Variants in PJA1 observed in about 807,000 individuals in gnomAD.
The protein encoded by PJA1 is E3 ubiquitin-protein ligase Praja-1.
Under a neutral mutation model 14.1 loss-of-function variants are expected in PJA1, and 5 were observed. The ratio of observed to expected loss-of-function variants is 0.35; its 90% CI spans 0.18 to 0.74. The LOEUF is 0.74. Ranked by LOEUF, PJA1 falls within the 30% of genes least tolerant of loss-of-function variation. The pLI is 0.56. For synonymous variants in PJA1, 174 were observed against 190.9 expected, an observed-to-expected ratio of 0.91 and a Z score of 0.73; for missense variants, 394 against 482.6, an observed-to-expected ratio of 0.82 and a Z score of 1.72.
chrX:69,164,741 C>A (rs761700783), intron 1 of PJA1, among the ~76,000 whole-genome samples: 1 of 1,556 alleles, frequency 6.4e-4, no homozygotes, highest in Non-Finnish European at 1.2e-3. Flanking sequence ...TCGCGACACA[C>A]GGGGGGTGGG....
At chrX:69,164,510 C>T (rs1217366044) in intron 1 of PJA1, among the ~76,000 whole-genome samples, 6 of 107,771 alleles carry the variant, frequency 5.6e-5, no homozygotes, top group East Asian at 5.9e-4. Context: ...CGCGAGAGCA[C>T]GCAGAGGCCG....
Position 69,162,257 on chromosome X carries a change from C to G in PJA1, c.817G>C (p.Ala273Pro). 1 of 1,210,990 alleles carries G rather than the reference C, an allele frequency of 8.3e-7. No homozygotes were observed. Among genetic ancestry groups the G allele is most frequent in the South Asian group, 1.8e-5 (1 of 56,815 alleles). Residue 273 changes from alanine to proline, a missense_variant, in exon 2 of 2, where the codon GCG becomes CCG. By Grantham distance (27) the Ala-to-Pro change is conservative. Transcript: ENST00000374571. ...EPKYPEDKRE[A>P]RSDQVKPEKV... Reference sequence around the variant, plus strand: ...TCTGGTTTCACTTGGTCACTCCTCGCTTCCCGTTTGTCTTCAGGGTACTTT... The same window carrying G: ...TCTGGTTTCACTTGGTCACTCCTCGGTTCCCGTTTGTCTTCAGGGTACTTT...
Position 69,162,852 on chromosome X carries a change from C to A in PJA1, c.222G>T (p.Glu74Asp). 1 of 1,211,668 alleles carries A rather than the reference C, an allele frequency of 8.3e-7. No individual in the cohort carries two copies. Among genetic ancestry groups the A allele is most frequent in the Non-Finnish European group, 1.1e-6 (1 of 895,557 alleles). ...GCGGTCGCTCAACAGGCCCAGCCCC[C>A]TCCTCCTCACTATCATCTGCCCCAT... ...DSYGADDSEEEGAGPVERPPV... is the reference protein window; with the variant it reads ...DSYGADDSEEDGAGPVERPPV... Residue 74 changes from glutamate to aspartate, a missense_variant, in exon 2 of 2, where the codon GAG becomes GAT. Glu to Asp is a conservative substitution (Grantham distance 45). This residue lies in a region of PJA1 where 378 missense variants were observed against 439.3 expected (regional missense o/e 0.86). Transcript: ENST00000374571.
rs780622380 is a variant in PJA1, at chrX:69,161,905, C to T, written c.1169G>A (p.Arg390Gln). The change falls in exon 2 of 2, where the codon CGA (arginine) becomes CAA (glutamine). Residue 390 changes from arginine to glutamine, a missense_variant. Arg to Gln is a conservative substitution (Grantham distance 43). Around this residue, in one of 2 missense-constraint regions of PJA1, gnomAD observed 378 missense variants for 439.3 expected, o/e 0.86. Transcript: ENST00000374571. ...CTGCTCTTCCTGAAGAGATGGTTCT[C>T]GAACTTCTTCAAGGTAATTGCTGCC... ...SNGSNYLEEV[R>Q]EPSLQEEQAS... 5.0e-6 allele frequency: 6 copies of T among 1,208,497 alleles called. No individual in the cohort carries two copies. In the South Asian group the frequency reaches 7.1e-5, roughly 14 times the overall value.
chrX:69,162,420 A>G lies in PJA1; in HGVS notation c.654T>C (p.Ile218=), dbSNP rs1423076588. The G allele has an allele frequency of 8.3e-7, 1 of 1,211,052 alleles. No individual in the cohort carries two copies. Among genetic ancestry groups the G allele is most frequent in the East Asian group, 3.0e-5 (1 of 33,807 alleles). The change falls in exon 2 of 2, where the codon ATT becomes ATC. Residue 218 remains isoleucine (I), a synonymous_variant. Transcript: ENST00000374571. ...LASPNCVKPK[I]FFDTDDDDDM... ...CGTCATCATCATCAGTATCAAAAAAAATTTTTGGTTTCACGCAGTTTGGAC... is the reference window on the plus strand; with the variant it reads ...CGTCATCATCATCAGTATCAAAAAAGATTTTTGGTTTCACGCAGTTTGGAC...
intron 1 of PJA1, among the ~76,000 whole-genome samples, chrX:69,164,613 GA>G (rs1315300677): frequency 9.4e-6 from 1 of 106,534 alleles, no homozygotes; most frequent in African/African-American, 3.4e-5. Flanking sequence ...GAGGGTGTGT[GA>G]GAGGGTGTGT....
At chrX:69,165,101 G>A (rs1925231992) in intron 1 of PJA1, among the ~76,000 whole-genome samples, 1 of 111,272 alleles carries the variant, frequency 9.0e-6, no homozygotes, top group Non-Finnish European at 1.9e-5. Flanking sequence ...CAATAGCGAT[G>A]AAAGCCACTC....
Position 69,161,269 on chromosome X carries a change from G to A in PJA1, c.*38C>T. 9.0e-7 allele frequency: 1 copy of A among 1,116,843 alleles called. No homozygotes were observed. The highest frequency in any genetic ancestry group is 2.3e-5 in the South Asian group (1 of 43,872). The allele number at this position is 1,116,843 out of a possible 1,213,427, so 92.0% of individuals were successfully genotyped here. The stretch of plus-strand genomic sequence containing the variant: ...CCTGCAGTATTGTGGATTTCAGATG[G>A]GGAAAATAATCAGACCAGGAGTAAA... On this transcript the variant is annotated 3_prime_UTR_variant, in exon 2 of 2. Transcript: ENST00000374571.
chrX:69,162,015 C>G lies in PJA1; in HGVS notation c.1059G>C (p.Lys353Asn). The G allele has an allele frequency of 8.3e-7, 1 of 1,211,075 alleles. No individual in the cohort carries two copies. Among genetic ancestry groups the G allele is most frequent in the Non-Finnish European group, 1.1e-6 (1 of 895,341 alleles). ...GGCTGGTGCCAGTGCTGGCACTCACCTTAGCCTGTGGAGGTTCCCGCTCTT... is the reference window on the plus strand; with the variant it reads ...GGCTGGTGCCAGTGCTGGCACTCACGTTAGCCTGTGGAGGTTCCCGCTCTT... ...GKEEREPPQA[K>N]VSASTGTSPG... Residue 353 changes from lysine to asparagine, a missense_variant, in exon 2 of 2, where the codon AAG (lysine) becomes AAC (asparagine). Transcript: ENST00000374571.
Position 69,161,142 on chromosome X carries a change from T to A in PJA1, c.*165A>T. ...AAAGATGATATGATTTTTAATGCAA[T>A]CATACACAACTGTTTTCACATTGGA... is the stretch of plus-strand genomic sequence containing the variant. On this transcript the variant is annotated 3_prime_UTR_variant, in exon 2 of 2. Coordinates refer to ENST00000374571, the MANE Select transcript of PJA1 (RefSeq NM_001032396.4). 1.3e-6 allele frequency: 1 copy of A among 777,392 alleles called. No homozygotes were observed. The highest frequency in any genetic ancestry group is 1.7e-6 in the Non-Finnish European group (1 of 581,663). The allele number at this position is 777,392 out of a possible 1,213,427, so 64.1% of individuals were successfully genotyped here.
In PJA1 at chrX:69,162,069, G is replaced by A. The variant is rs3761646; in HGVS notation, c.1005C>T (p.Gly335=). The A allele has an allele frequency of 0.17, 203,625 of 1,207,745 alleles. 13,219 individuals are homozygous for A. The highest frequency in any genetic ancestry group is 0.39 in the Admixed American group (17,911 of 45,585). ...TCCCCGGCAGAGTCTCCCAGCTTTCGCCACTGGAGGACAGGGTTTGCTCTC... is the reference window on the plus strand; with the variant it reads ...TCCCCGGCAGAGTCTCCCAGCTTTCACCACTGGAGGACAGGGTTTGCTCTC... The part of the protein sequence containing the change: ...RSREQTLSSS[G]ESWETLPGKE... Residue 335 remains glycine, a synonymous_variant, in exon 2 of 2, where the codon GGC becomes GGT. Coordinates refer to ENST00000374571, the MANE Select transcript of PJA1 (RefSeq NM_001032396.4).
intron 1 of PJA1, chrX:69,163,539 A>C: frequency 3.6e-6 from 1 of 280,793 alleles, no homozygotes. Flanking sequence ...TTAGAGGAGA[A>C]TCTGACGGAA....
In PJA1 at chrX:69,163,083, G is replaced by A. The variant is rs375583225; in HGVS notation, c.-10C>T. 1.4e-5 allele frequency: 17 copies of A among 1,209,144 alleles called. No homozygotes were observed. Among genetic ancestry groups the A allele is most frequent in the South Asian group, 1.8e-5 (1 of 56,630 alleles). On this transcript the variant is annotated 5_prime_UTR_variant, in exon 2 of 2. Coordinates refer to ENST00000374571, the MANE Select transcript of PJA1 (RefSeq NM_001032396.4). ...GGGCTGATCTGTGCATTGGGACTTC[G>A]GAGTTCGTCTTTCTCTGGCTGGCAA...
rs144593024 is a variant in PJA1 at position 69,162,823 on chromosome X, A to G, written c.251T>C (p.Val84Ala). ...EGAGPVERPP[V>A]RGKTGKFKDD... is the part of the protein sequence containing the mutation. Reference sequence around the variant, plus strand: ...TTTAAACTTGCCAGTTTTCCCTCTCACTGGCGGTCGCTCAACAGGCCCAGC... The same window carrying G: ...TTTAAACTTGCCAGTTTTCCCTCTCGCTGGCGGTCGCTCAACAGGCCCAGC... The change falls in exon 2 of 2, where the codon GTG (valine) becomes GCG (alanine). Residue 84 changes from valine (V) to alanine (A), a missense_variant. Coordinates refer to ENST00000374571, the MANE Select transcript of PJA1 (RefSeq NM_001032396.4). The G allele has an allele frequency of 1.8e-4, 220 of 1,208,715 alleles. No homozygotes were observed. In the African/African-American group the frequency reaches 3.6e-3, roughly 20 times the overall value.
chrX:69,163,698 T>C (rs1925153965), intron 1 of PJA1, among the ~76,000 whole-genome samples: 1 of 111,146 alleles, frequency 9.0e-6, no homozygotes, highest in Non-Finnish European at 1.9e-5. Context: ...CAAATTGGAA[T>C]AGAGTGGAAA....
chrX:69,165,431 C>G lies in PJA1; in HGVS notation c.-127G>C, dbSNP rs1341168033. On this transcript the variant is annotated 5_prime_UTR_variant, in exon 1 of 2. Coordinates refer to ENST00000374571, the MANE Select transcript of PJA1 (RefSeq NM_001032396.4). ...AGAGCTCTCGGATCTCCGACCGCCA[C>G]GACCGCCAGAGCCGCTGCTCCCGGT... 2 of 112,616 alleles carry G rather than the reference C, an allele frequency of 1.8e-5. No homozygotes were observed. Among genetic ancestry groups the G allele is most frequent in the African/African-American group, 3.2e-5 (1 of 31,035 alleles). The allele number at this position is 112,616 out of a possible 1,213,427, so 9.3% of individuals were successfully genotyped here.
In PJA1 at chrX:69,162,907, C is replaced by T; in HGVS notation, c.167G>A (p.Arg56Lys). ...PREYRASGSRRGMAYGHIDSY... is the reference protein window; with the variant it reads ...PREYRASGSRKGMAYGHIDSY... ...GTCAATATGTCCATAGGCCATTCCT[C>T]TTCTGCTACCCGAAGCTCTGTACTC... The change falls in exon 2 of 2, where the codon AGA (arginine) becomes AAA (lysine). Residue 56 changes from arginine to lysine, a missense_variant. Around this residue, in one of 2 missense-constraint regions of PJA1, gnomAD observed 378 missense variants for 439.3 expected, o/e 0.86. Coordinates refer to ENST00000374571, the MANE Select transcript of PJA1 (RefSeq NM_001032396.4). 1.7e-6 allele frequency: 2 copies of T among 1,211,729 alleles called. No homozygotes were observed. Among genetic ancestry groups the T allele is most frequent in the African/African-American group, 1.7e-5 (1 of 57,776 alleles).
At chrX:69,165,175 G>A (rs1238348866) in intron 1 of PJA1, among the ~76,000 whole-genome samples, 197 bp downstream of exon 1, 3 of 111,471 alleles carry the variant, frequency 2.7e-5, no homozygotes, top group Non-Finnish European at 3.8e-5. Flanking sequence ...AGAACAGGCC[G>A]ATGGAGGACA....
At position 69,161,981 on chromosome X, in the gene PJA1, C is replaced by G. The variant is rs772473232; in HGVS notation, c.1093G>C (p.Gly365Arg). ...SASTGTSPGP[G>R]ASASAGAGAG... ...CCAGCCCCGGCACTGGCACTAGCACCGGGGCCAGGGCTGGTGCCAGTGCTG... is the reference window on the plus strand; with the variant it reads ...CCAGCCCCGGCACTGGCACTAGCACGGGGGCCAGGGCTGGTGCCAGTGCTG... Residue 365 changes from glycine (G) to arginine (R), a missense_variant, in exon 2 of 2, where the codon GGT (glycine) becomes CGT (arginine). Physicochemically the swap from Gly to Arg is moderately radical, Grantham distance 125. This residue lies in a region of PJA1 where 378 missense variants were observed against 439.3 expected (regional missense o/e 0.86). Coordinates refer to ENST00000374571, the MANE Select transcript of PJA1 (RefSeq NM_001032396.4). 3 of 1,207,524 alleles carry G rather than the reference C, an allele frequency of 2.5e-6. No homozygotes were observed. The African/African-American group carries it at 5.3e-5, about 21-fold the overall frequency.
Sources: gnomAD v4.1 joint callset for allele counts (sites outside exome capture counted in the v4.1 genomes callset) on GRCh38, gnomAD v4.1.1 for gene constraint, gnomAD v4.1.1 regional missense constraint, MANE v1.5 for transcripts, NCBI Gene and HGNC (gene_info 2026-07-23, HGNC 2026-07-21) for gene names.